Variants in PALLD observed in about 807,000 individuals in gnomAD.
The protein encoded by PALLD is palladin.
Under a neutral mutation model 123.5 loss-of-function variants are expected in PALLD, and 61 were observed. The ratio of observed to expected loss-of-function variants is 0.49; its 90% CI spans 0.40 to 0.61. The LOEUF is 0.61. Ranked by LOEUF, PALLD falls within the 20% of genes least tolerant of loss-of-function variation. The pLI, the probability that PALLD is intolerant of heterozygous loss-of-function variation, is 0.00. For synonymous variants in PALLD, 465 were observed against 496.4 expected, an observed-to-expected ratio of 0.94 and a Z score of 0.84; for missense variants, 1,273 against 1,377.0, an observed-to-expected ratio of 0.92 and a Z score of 1.20.
intron 2 of PALLD, among the ~76,000 whole-genome samples, chr4:168,578,362 G>A (rs1769860827): frequency 6.6e-6 from 1 of 152,038 alleles, no homozygotes; most frequent in Non-Finnish European, 1.5e-5. Flanking sequence ...TTAATCATGG[G>A]GGTGGTTAAC....
intron 3 of PALLD, among the ~76,000 whole-genome samples, chr4:168,675,809 A>T (rs372615008): frequency 6.6e-6 from 1 of 152,174 alleles, no homozygotes; most frequent in East Asian, 1.9e-4. Flanking sequence ...TAATCCCAGC[A>T]CTTTGGGAGG....
intron 10 of PALLD, among the ~76,000 whole-genome samples, chr4:168,843,290 A>G (rs1746309127): frequency 6.6e-6 from 1 of 152,246 alleles, no homozygotes; most frequent in Non-Finnish European, 1.5e-5. Flanking sequence ...AACAGAAGAA[A>G]GTTTGGCTTG....
At chr4:168,914,047 G>C in intron 16 of PALLD, 26 bp downstream of exon 16, 1 of 1,317,824 alleles carries the variant, frequency 7.6e-7, no homozygotes, top group South Asian at 1.2e-5. Flanking sequence ...CTTCCCAGAA[G>C]TGTTACATTA....
At chr4:168,513,201 T>C (rs934218786) in intron 2 of PALLD, among the ~76,000 whole-genome samples, 4 of 151,960 alleles carry the variant, frequency 2.6e-5, no homozygotes, top group African/African-American at 7.3e-5. Context: ...ACCCCTTCAA[T>C]GTGATGCAAA....
At chr4:168,764,767 G>T (rs564263275) in intron 10 of PALLD, among the ~76,000 whole-genome samples, 1 of 151,954 alleles carries the variant, frequency 6.6e-6, no homozygotes, top group Non-Finnish European at 1.5e-5. Context: ...AGAGATGACC[G>T]TACCATCTCT....
At chr4:168,588,021 A>G (rs568542449) in intron 2 of PALLD, among the ~76,000 whole-genome samples, 2 of 152,060 alleles carry the variant, frequency 1.3e-5, no homozygotes, top group African/African-American at 4.8e-5. Flanking sequence ...AACTCCGTTG[A>G]GTCATTCTGA....
chr4:168,910,202 A>T lies in PALLD; in HGVS notation c.2623-3725A>T, dbSNP rs373214133. On this transcript the variant is annotated intron_variant, in intron 15 of 21. Transcript: ENST00000505667. ...TAGAAATGTGTGACCTTTCCAGAGT[A>T]GTATGCCAACCTGTTTACTTTTTTT... 1.0e-4 allele frequency among the ~76,000 whole-genome samples: 15 copies of T among 149,638 alleles called. No individual in the cohort carries two copies. In the East Asian group the frequency reaches 3.0e-3, roughly 30 times the overall value.
chr4:168,900,499 T>A (rs766005001), intron 14 of PALLD, among the ~76,000 whole-genome samples: 2 of 152,122 alleles, frequency 1.3e-5, no homozygotes, highest in Non-Finnish European at 2.9e-5. Context: ...ATAAAAAGCT[T>A]AATAGTGGCA....
Position 168,926,302 on chromosome 4 carries a change from G to C in PALLD, c.*122G>C. Reference sequence around the variant, plus strand: ...TGCAGCACTTTCGGACCAGGGACTAGACATCAAAGCAGCGTTCCAACCTGA... The same window carrying C: ...TGCAGCACTTTCGGACCAGGGACTACACATCAAAGCAGCGTTCCAACCTGA... On this transcript the variant is annotated 3_prime_UTR_variant, in exon 22 of 22. Transcript: ENST00000505667. The C allele has an allele frequency of 6.5e-7, 1 of 1,537,330 alleles. No homozygotes were observed. Among genetic ancestry groups the C allele is most frequent in the Non-Finnish European group, 8.7e-7 (1 of 1,146,898 alleles).
At chr4:168,714,739 T>C (rs1785175304) in intron 10 of PALLD, among the ~76,000 whole-genome samples, 2 of 152,054 alleles carry the variant, frequency 1.3e-5, no homozygotes, top group African/African-American at 2.4e-5. Context: ...AACAAACTAA[T>C]AGGAAACAAT....
chr4:168,534,792 TC>T (rs981609653), intron 2 of PALLD, among the ~76,000 whole-genome samples: 14 of 152,218 alleles, frequency 9.2e-5, no homozygotes, highest in African/African-American at 3.4e-4. Flanking sequence ...TTCCTTTGAA[TC>T]CTCTATAGCT....
chr4:168,691,160 A>T (rs1782584619), intron 7 of PALLD, 109 bp from the exon 8 acceptor site: 1 of 767,518 alleles, frequency 1.3e-6, no homozygotes, highest in Middle Eastern at 3.5e-4. Context: ...ACATTTCTTC[A>T]GACATGTCCT....
intron 10 of PALLD, among the ~76,000 whole-genome samples, chr4:168,845,226 G>A (rs1014965934): frequency 4.6e-5 from 7 of 152,084 alleles, no homozygotes; most frequent in Admixed American, 1.3e-4. Flanking sequence ...CAAGGGATAC[G>A]GTCAGAAATC....
Position 168,844,447 on chromosome 4 carries a change from C to T in PALLD, c.1965-46475C>T, listed in dbSNP as rs978602334. ...CACAGAAGAGAGAAGTGGGGAACCC[C>T]ACAAGCCTTGAGAATTTCAAGAATT... On this transcript the variant is annotated intron_variant, in intron 10 of 21. Coordinates refer to ENST00000505667, the MANE Select transcript of PALLD (RefSeq NM_001166108.2). This position sits in a 1 kb window ranked among gnomAD's most constrained non-coding sequence, Gnocchi z 4.5. 2 of 152,204 alleles carry T rather than the reference C, an allele frequency of 1.3e-5. No individual in the cohort carries two copies. The highest frequency in any genetic ancestry group is 2.9e-5 in the Non-Finnish European group (2 of 68,040). 9.4% of individuals were successfully genotyped at this position (152,204 alleles called of 1,614,324 possible).
intron 10 of PALLD, among the ~76,000 whole-genome samples, chr4:168,763,182 C>T (rs1733189179): frequency 6.6e-6 from 1 of 152,172 alleles, no homozygotes; most frequent in South Asian, 2.1e-4. Context: ...TTTAAAAATG[C>T]CATTCTCTAC....
rs147579297 is a variant in PALLD, at chr4:168,814,833, C to T, written c.1965-76089C>T. Among the ~76,000 whole-genome samples the T allele has an allele frequency of 7.9e-5, 12 of 152,308 alleles. No individual in the cohort carries two copies. In the East Asian group the frequency reaches 1.3e-3, roughly 17 times the overall value. On this transcript the variant is annotated intron_variant, in intron 10 of 21. Transcript: ENST00000505667. ...TCACCCAGGCTGTAGTGCAGTGACG[C>T]GACCTCGGCTCACTGCAACCTCCAC...
intron 10 of PALLD, among the ~76,000 whole-genome samples, chr4:168,762,501 C>T (rs192469946): frequency 5.9e-5 from 9 of 152,120 alleles, no homozygotes; most frequent in African/African-American, 1.4e-4. Context: ...CATTCTCTGG[C>T]GATCATTAAA....
At position 168,928,309 on chromosome 4, in the gene PALLD, C is replaced by A. The variant is rs1036792964; in HGVS notation, c.*2129C>A. The A allele has an allele frequency of 6.6e-6, 1 of 152,210 alleles. No homozygotes were observed. Among genetic ancestry groups the A allele is most frequent in the African/African-American group, 2.7e-5 (1 of 36,436 alleles). 9.4% of individuals were successfully genotyped at this position (152,210 alleles called of 1,614,324 possible). A position where few individuals can be genotyped will look rare whatever the true frequency, so the allele number is the denominator to read the frequency against. On this transcript the variant is annotated 3_prime_UTR_variant, in exon 22 of 22. Coordinates refer to ENST00000505667, the MANE Select transcript of PALLD (RefSeq NM_001166108.2). ...GGGATTAACTAGCATTATTTTGCCA[C>A]CTTTATATTGTATTTATAAAAAAAA... is the stretch of plus-strand genomic sequence containing the variant.
At chr4:168,501,396 A>C (rs1207647593) in intron 1 of PALLD, among the ~76,000 whole-genome samples, 2 of 152,164 alleles carry the variant, frequency 1.3e-5, no homozygotes, top group Admixed American at 1.3e-4. Context: ...CAGCAGGGGC[A>C]AAATTGAAAA....
Sources: allele counts gnomAD v4.1 joint callset (sites outside exome capture counted in the v4.1 genomes callset), GRCh38; gene constraint gnomAD v4.1.1; non-coding constraint Gnocchi (gnomAD v3.1); transcripts MANE v1.5; gene names NCBI Gene and HGNC (gene_info 2026-07-23, HGNC 2026-07-21).